The following ARHGEF28 variants were observed in gnomAD, a reference collection of about 807,000 sequenced individuals.
The protein encoded by ARHGEF28 is 190 kDa guanine nucleotide exchange factor.
Under a neutral mutation model 206.6 loss-of-function variants are expected in ARHGEF28, and 152 were observed. The observed-to-expected ratio is 0.74, with a 90% CI of 0.64 to 0.84. ARHGEF28 has a LOEUF of 0.84. ARHGEF28 is among the 40% of genes least tolerant of loss of function. The pLI, the probability that ARHGEF28 is intolerant of heterozygous loss-of-function variation, is 0.00. For missense variants in ARHGEF28, 2,028 were observed against 2,073.2 expected, an observed-to-expected ratio of 0.98 and a Z score of 0.42; for synonymous variants, 763 against 776.4, an observed-to-expected ratio of 0.98 and a Z score of 0.29.
chr5:73,714,695 C>A (rs934696195), intron 2 of ARHGEF28, among the ~76,000 whole-genome samples: 1 of 152,144 alleles, frequency 6.6e-6, no homozygotes, highest in Non-Finnish European at 1.5e-5. Flanking sequence ...CAGTCATATG[C>A]ACAAATCTTA....
intron 7 of ARHGEF28, among the ~76,000 whole-genome samples, chr5:73,784,784 T>C (rs1754059212): frequency 6.6e-6 from 1 of 152,200 alleles, no homozygotes; most frequent in African/African-American, 2.4e-5. Context: ...AAATTAGGCA[T>C]AGTAAAGGTT....
chr5:73,724,943 T>A (rs926527327), intron 2 of ARHGEF28, among the ~76,000 whole-genome samples: 5 of 152,232 alleles, frequency 3.3e-5, no homozygotes, highest in Admixed American at 3.3e-4. Context: ...ATGGTAAGTT[T>A]ATATTTATCA....
intron 2 of ARHGEF28, among the ~76,000 whole-genome samples, chr5:73,687,599 A>G (rs1219968548): frequency 1.3e-5 from 2 of 152,074 alleles, no homozygotes; most frequent in Non-Finnish European, 2.9e-5. Context: ...AAACTGTCCT[A>G]CAATTTGTTT....
chr5:73,659,916 G>C (rs1305621658), intron 1 of ARHGEF28, among the ~76,000 whole-genome samples: 1 of 151,862 alleles, frequency 6.6e-6, no homozygotes, highest in Non-Finnish European at 1.5e-5. Flanking sequence ...TTTTCTGGTA[G>C]AGAGTCTTGC....
chr5:73,666,544 C>T (rs1273969327), intron 1 of ARHGEF28, among the ~76,000 whole-genome samples: 2 of 152,208 alleles, frequency 1.3e-5, no homozygotes, highest in Non-Finnish European at 2.9e-5. Flanking sequence ...GCTGCTGTGG[C>T]CCCACAGCTT....
chr5:73,903,249 C>T (rs1172642432), intron 31 of ARHGEF28: 1 of 152,164 alleles, frequency 6.6e-6, no homozygotes, highest in Non-Finnish European at 1.5e-5. Flanking sequence ...ACAGTAGGCC[C>T]TTGAGGACAG....
chr5:73,894,271 A>G (rs1761823122), intron 28 of ARHGEF28, 122 bp from the exon 29 acceptor site: 1 of 981,754 alleles, frequency 1.0e-6, no homozygotes, highest in East Asian at 2.6e-5. Flanking sequence ...CCACTCATCA[A>G]CCTGGGTTTT....
chr5:73,825,709 G>T (rs1409602152), intron 9 of ARHGEF28, among the ~76,000 whole-genome samples: 3 of 152,162 alleles, frequency 2.0e-5, no homozygotes, highest in African/African-American at 7.2e-5. Context: ...AGAAAGGTCA[G>T]ATTCTGAATC....
chr5:73,841,946 CTTATA>C (rs1461056013), intron 11 of ARHGEF28, among the ~76,000 whole-genome samples: 2 of 151,952 alleles, frequency 1.3e-5, no homozygotes, highest in African/African-American at 2.4e-5. Flanking sequence ...TAAAATTTAT[CTTATA>C]TTTATTTTAC....
At chr5:73,810,406 A>G (rs992653097) in intron 9 of ARHGEF28, among the ~76,000 whole-genome samples, 4 of 152,238 alleles carry the variant, frequency 2.6e-5, no homozygotes, top group Admixed American at 6.5e-5. Context: ...GAATAAGATT[A>G]GGATGAATCT....
intron 9 of ARHGEF28, among the ~76,000 whole-genome samples, chr5:73,799,460 G>A (rs1254953345): frequency 6.6e-6 from 1 of 152,174 alleles, no homozygotes; most frequent in Non-Finnish European, 1.5e-5. Flanking sequence ...CCTCCTTGAG[G>A]ACTGTGAAAC....
intron 2 of ARHGEF28, among the ~76,000 whole-genome samples, chr5:73,691,551 GC>G (rs1471110452): frequency 6.6e-6 from 1 of 152,138 alleles, no homozygotes; most frequent in Non-Finnish European, 1.5e-5. Context: ...TGTGGATGGG[GC>G]CCAGCAATCT....
chr5:73,930,631 G>A (rs548188373), intron 35 of ARHGEF28, among the ~76,000 whole-genome samples: 80 of 152,306 alleles, frequency 5.3e-4, no homozygotes, highest in African/African-American at 1.8e-3. Context: ...AACTGCAAGT[G>A]CAGAAACTAC....
intron 22 of ARHGEF28, among the ~76,000 whole-genome samples, chr5:73,874,623 G>A (rs1242914008): frequency 1.5e-5 from 2 of 135,152 alleles, no homozygotes; most frequent in East Asian, 4.4e-4. Flanking sequence ...CAGTGTCCAT[G>A]TGTTCTTATT....
At chr5:73,790,307 A>G (rs1286826443) in intron 7 of ARHGEF28, among the ~76,000 whole-genome samples, 1 of 152,272 alleles carries the variant, frequency 6.6e-6, no homozygotes, top group African/African-American at 2.4e-5. Flanking sequence ...GGACTTCTCC[A>G]CTGTCTTAAA....
chr5:73,776,330 G>A (rs1753540055), intron 5 of ARHGEF28, among the ~76,000 whole-genome samples, 186 bp from the exon 6 acceptor site: 1 of 152,140 alleles, frequency 6.6e-6, no homozygotes, highest in Admixed American at 6.5e-5. Context: ...TTCTCTAGGT[G>A]GAAAAAGAAA....
chr5:73,913,538 A>T (rs1763026923), intron 35 of ARHGEF28, among the ~76,000 whole-genome samples: 1 of 152,236 alleles, frequency 6.6e-6, no homozygotes, highest in Non-Finnish European at 1.5e-5. Context: ...GCCACTGGTG[A>T]TGGCCTTAGC....
At chr5:73,798,652 T>C (rs1754965863) in intron 9 of ARHGEF28, among the ~76,000 whole-genome samples, 1 of 152,116 alleles carries the variant, frequency 6.6e-6, no homozygotes, top group Non-Finnish European at 1.5e-5. Context: ...CTTCATATTC[T>C]AGGCAGGTAG....
chr5:73,745,214 G>C (rs1464452198), intron 2 of ARHGEF28, among the ~76,000 whole-genome samples: 2 of 151,926 alleles, frequency 1.3e-5, no homozygotes, highest in Non-Finnish European at 2.9e-5. Context: ...GTTTATAATG[G>C]GAGGGAAGAA....
Sources: gnomAD v4.1 joint callset for allele counts (sites outside exome capture counted in the v4.1 genomes callset) on GRCh38, gnomAD v4.1.1 for gene constraint, MANE v1.5 for transcripts, NCBI Gene and HGNC (gene_info 2026-07-23, HGNC 2026-07-21) for gene names.